The following ADAM19 variants were observed in gnomAD, a reference collection of about 807,000 sequenced individuals.
ADAM19 encodes ADAM metallopeptidase domain 19, also known as disintegrin and metalloproteinase domain-containing protein 19.
A neutral mutation model predicts 114.7 loss-of-function variants in ADAM19; 65 were observed. The ratio of observed to expected loss-of-function variants is 0.57; its 90% CI spans 0.46 to 0.70. The LOEUF (loss-of-function observed/expected upper bound fraction) is 0.70. Among genes scored for constraint, ADAM19 ranks in the 30% least tolerant of loss-of-function variants. The probability of loss-of-function intolerance (pLI) is 0.00; values close to 1 mark genes in which losing one functional copy is unlikely to be tolerated. For synonymous variants in ADAM19, 466 were observed against 460.5 expected (o/e 1.01, Z -0.15); for missense variants, 1,063 against 1,204.7 (o/e 0.88, Z 1.74).
At position 157,509,200 on chromosome 5, in the gene ADAM19, G is replaced by A. The variant is rs1397785987; in HGVS notation, c.905+101C>T. On this transcript the variant is annotated intron_variant, in intron 9 of 22. Transcript: ENST00000257527. ...TGGACCAGGGAGTCAGAATGGCCTT[G>A]TACAACCAACACTCGCCATGGGGCA... 4 of 1,293,724 alleles carry A rather than the reference G, an allele frequency of 3.1e-6. No homozygotes were observed. The East Asian group carries it at 7.4e-5, about 24-fold the overall frequency. The allele number at this position is 1,293,724 out of a possible 1,614,324, so 80.1% of individuals were successfully genotyped here.
At chr5:157,554,989 G>C (rs56078936) in intron 3 of ADAM19, among the ~76,000 whole-genome samples, 6,033 of 152,258 alleles carry the variant, frequency 0.04, 192 homozygotes, top group South Asian at 0.16. Flanking sequence ...GGAAAGGGAA[G>C]GGGGAGAGTA....
In ADAM19 at chr5:157,479,507, T is replaced by A; in HGVS notation, c.*1442A>T. 1.0e-6 allele frequency: 1 copy of A among 985,802 alleles called. No individual in the cohort carries two copies. The highest frequency in any genetic ancestry group is 1.2e-6 in the Non-Finnish European group (1 of 829,964). The allele number at this position is 985,802 out of a possible 1,614,324, so 61.1% of individuals were successfully genotyped here. ...GGGAGTCTATCTCCCAGCAAACATC[T>A]CCAGGTGCTTTGCAAAAACCGTCCT... On this transcript the variant is annotated 3_prime_UTR_variant, in exon 23 of 23. Coordinates refer to ENST00000257527, the MANE Select transcript of ADAM19 (RefSeq NM_033274.5).
chr5:157,480,467 C>G lies in ADAM19; in HGVS notation c.*482G>C. Reference sequence around the variant, plus strand: ...GTGGCTGGCTTGACCCTTCCTTAATCCCTAAAAGCTAAAAGGGGTGGGTAA... The same window carrying G: ...GTGGCTGGCTTGACCCTTCCTTAATGCCTAAAAGCTAAAAGGGGTGGGTAA... On this transcript the variant is annotated 3_prime_UTR_variant, in exon 23 of 23. Coordinates refer to ENST00000257527, the MANE Select transcript of ADAM19 (RefSeq NM_033274.5). 1 of 990,926 alleles carries G rather than the reference C, an allele frequency of 1.0e-6. No individual in the cohort carries two copies. Among genetic ancestry groups the G allele is most frequent in the Non-Finnish European group, 1.2e-6 (1 of 833,504 alleles). 61.4% of individuals were successfully genotyped at this position (990,926 alleles called of 1,614,324 possible).
rs185176201 is a variant in ADAM19 at position 157,488,143 on chromosome 5, T to C, written c.2550+122A>G. The C allele has an allele frequency of 4.4e-4, 433 of 981,490 alleles. 1 individual carries two copies. In the African/African-American group the frequency reaches 6.1e-3, roughly 14 times the overall value. 60.8% of individuals were successfully genotyped at this position (981,490 alleles called of 1,614,324 possible). ...GCTGTGCGCCCCCGTATTGACTGAA[T>C]TGCAGAAAAGGCAGTCAGCTCATGA... On this transcript the variant is annotated intron_variant, in intron 21 of 22. Transcript: ENST00000257527.
At chr5:157,550,533 G>A (rs1406232398) in intron 3 of ADAM19, among the ~76,000 whole-genome samples, 2 of 152,198 alleles carry the variant, frequency 1.3e-5, no homozygotes, top group Non-Finnish European at 2.9e-5. Context: ...TAACACTGCT[G>A]ATGTTTTTTC....
chr5:157,491,762 G>C (rs749691225), intron 17 of ADAM19, 39 bp from the exon 18 acceptor site: 9 of 1,611,464 alleles, frequency 5.6e-6, no homozygotes, highest in Non-Finnish European at 7.6e-6. Context: ...GCACCCCAGA[G>C]AGCATCAGCC....
intron 4 of ADAM19, among the ~76,000 whole-genome samples, chr5:157,534,117 T>C (rs1485978747): frequency 6.6e-6 from 1 of 152,186 alleles, no homozygotes; most frequent in Non-Finnish European, 1.5e-5. Flanking sequence ...CTTTATAATT[T>C]ACAGAGCTTT....
chr5:157,495,933 C>CTTTTTT (rs57078206), intron 14 of ADAM19, among the ~76,000 whole-genome samples: 1 of 75,878 alleles, frequency 1.3e-5, no homozygotes, highest in African/African-American at 5.2e-5. Context: ...TGTGCCCAGT[C>CTTTTTT]TTTTTTTTTT....
rs374925085 is a variant in ADAM19, at chr5:157,480,934, G to A, written c.*15C>T. On this transcript the variant is annotated 3_prime_UTR_variant, in exon 23 of 23. Coordinates refer to ENST00000257527, the MANE Select transcript of ADAM19 (RefSeq NM_033274.5). The stretch of plus-strand genomic sequence containing the variant: ...CCAGAGAGCTCAAGGAAAGGGAGAA[G>A]CCCCTTGGACAGGTCTAGATTTTCG... 34 of 1,613,838 alleles carry A rather than the reference G, an allele frequency of 2.1e-5. No individual in the cohort carries two copies. Among genetic ancestry groups the A allele is most frequent in the Non-Finnish European group, 2.7e-5 (32 of 1,179,906 alleles).
chr5:157,571,387 A>G (rs968255681), intron 1 of ADAM19, among the ~76,000 whole-genome samples: 1 of 152,136 alleles, frequency 6.6e-6, no homozygotes, highest in African/African-American at 2.4e-5. Flanking sequence ...CAGGTAGAGG[A>G]AACAGCAAGT....
intron 4 of ADAM19, among the ~76,000 whole-genome samples, chr5:157,533,784 ACGGTGAAACCCTGTCTTTACT>A (rs1756688504): frequency 6.6e-6 from 1 of 152,026 alleles, no homozygotes; most frequent in African/African-American, 2.4e-5. Context: ...GGCCAACAAC[ACGGTGAAACCCTGTCTTTACT>A]AAATATACAA....
In ADAM19 at chr5:157,480,555, C is replaced by T. The variant is rs749697152; in HGVS notation, c.*394G>A. The T allele has an allele frequency of 2.1e-5, 22 of 1,035,064 alleles. No individual in the cohort carries two copies. Among genetic ancestry groups the T allele is most frequent in the African/African-American group, 6.8e-5 (4 of 58,588 alleles). 64.1% of individuals were successfully genotyped at this position (1,035,064 alleles called of 1,614,324 possible). A position where few individuals can be genotyped will look rare whatever the true frequency, so the allele number is the denominator to read the frequency against. On this transcript the variant is annotated 3_prime_UTR_variant, in exon 23 of 23. Coordinates refer to ENST00000257527, the MANE Select transcript of ADAM19 (RefSeq NM_033274.5). The stretch of plus-strand genomic sequence containing the variant: ...GCAGAAGCAATGGGAAGCTCTCTTG[C>T]GTGCCCTGCACCCCAGGAGTGAATG...
At chr5:157,560,368 C>T (rs963085107) in intron 3 of ADAM19, among the ~76,000 whole-genome samples, 5 of 150,738 alleles carry the variant, frequency 3.3e-5, no homozygotes, top group African/African-American at 1.2e-4. Flanking sequence ...AGCAGAGGCT[C>T]AGGGGAGCTG....
chr5:157,515,057 G>GGAA (rs1425535451), intron 7 of ADAM19, among the ~76,000 whole-genome samples: 2 of 152,128 alleles, frequency 1.3e-5, no homozygotes, highest in East Asian at 3.8e-4. Flanking sequence ...CCTGATACAG[G>GGAA]GAAGAAATCC....
rs746723221 is a variant in ADAM19 at position 157,479,248 on chromosome 5, G to A, written c.*1701C>T. The A allele has an allele frequency of 1.2e-4, 117 of 985,736 alleles. No individual in the cohort carries two copies. Among genetic ancestry groups the A allele is most frequent in the Non-Finnish European group, 1.3e-4 (110 of 829,964 alleles). 61.1% of individuals were successfully genotyped at this position (985,736 alleles called of 1,614,324 possible). A position where few individuals can be genotyped will look rare whatever the true frequency, so the allele number is the denominator to read the frequency against. ...GGCTTTTCCCCCAGGGGTACATCCC[G>A]TATTTTCCACTTATTTCCAAACCCA... On this transcript the variant is annotated 3_prime_UTR_variant, in exon 23 of 23. Transcript: ENST00000257527.
chr5:157,513,467 G>C lies in ADAM19; in HGVS notation c.705C>G (p.His235Gln). The C allele has an allele frequency of 6.2e-7, 1 of 1,614,116 alleles. No individual in the cohort carries two copies. The highest frequency in any genetic ancestry group is 8.5e-7 in the Non-Finnish European group (1 of 1,179,966). The change falls in exon 8 of 23, where the codon CAC (histidine) becomes CAG (glutamine). Residue 235 changes from histidine (H) to glutamine (Q), a missense_variant. His to Gln is a conservative substitution (Grantham distance 24). Coordinates refer to ENST00000257527, the MANE Select transcript of ADAM19 (RefSeq NM_033274.5). ...KNRRDQDATK[H>Q]KLIEIANYVD... ...CATAGTTGGCGATCTCTATGAGCTTGTGTTTGGTGGCGTCCTGGTCTCGTC... is the reference window on the plus strand; with the variant it reads ...CATAGTTGGCGATCTCTATGAGCTTCTGTTTGGTGGCGTCCTGGTCTCGTC...
At chr5:157,556,193 G>GT (rs756721503) in intron 3 of ADAM19, among the ~76,000 whole-genome samples, 83 of 95,550 alleles carry the variant, frequency 8.7e-4, no homozygotes, top group African/African-American at 2.7e-3. Flanking sequence ...TTTATAACCT[G>GT]TTTTTTTTTC....
intron 15 of ADAM19, among the ~76,000 whole-genome samples, chr5:157,494,073 A>G (rs544930122): frequency 2.6e-5 from 4 of 152,356 alleles, no homozygotes; most frequent in African/African-American, 9.6e-5. Flanking sequence ...AGTTCCATGC[A>G]CTCAGCACAA....
chr5:157,563,019 G>A (rs1757552475), intron 3 of ADAM19, among the ~76,000 whole-genome samples: 2 of 152,120 alleles, frequency 1.3e-5, no homozygotes, highest in African/African-American at 2.4e-5. Flanking sequence ...GAACAAAGCT[G>A]CCGTGAGCAA....
Sources: gnomAD v4.1 joint callset for allele counts (sites outside exome capture counted in the v4.1 genomes callset) on GRCh38, gnomAD v4.1.1 for gene constraint, MANE v1.5 for transcripts, NCBI Gene and HGNC (gene_info 2026-07-23, HGNC 2026-07-21) for gene names.